ZDHHC21: variants seen among roughly 807,000 people sequenced by gnomAD.
ZDHHC21 encodes the protein palmitoyltransferase ZDHHC21.
In ZDHHC21, 15 loss-of-function variants were observed where a neutral mutation model predicts 34.6. The ratio of observed to expected loss-of-function variants is 0.43; its 90% CI spans 0.29 to 0.67. The LOEUF is 0.67. ZDHHC21 is among the 30% of genes least tolerant of loss of function. ZDHHC21 has a pLI of 0.14. For synonymous variants in ZDHHC21, 142 were observed against 101.8 expected (o/e 1.40, Z -2.38); for missense variants, 344 against 327.7 (o/e 1.05, Z -0.38).
intron 7 of ZDHHC21, among the ~76,000 whole-genome samples, chr9:14,651,687 G>C (rs1029720275): frequency 6.6e-6 from 1 of 151,828 alleles, no homozygotes; most frequent in African/African-American, 2.4e-5. Flanking sequence ...AAATACAGTG[G>C]TACTTTCCTT....
At chr9:14,591,435 G>A in the ZDHHC21 span, among the ~76,000 whole-genome samples, 1 of 152,044 alleles carries the variant, frequency 6.6e-6, no homozygotes, top group Non-Finnish European at 1.5e-5. Flanking sequence ...TGAATCTGCT[G>A]GAGCCTTGAT....
chr9:14,665,875 T>C (rs1409424208), intron 5 of ZDHHC21, among the ~76,000 whole-genome samples: 1 of 149,694 alleles, frequency 6.7e-6, no homozygotes, highest in Non-Finnish European at 1.5e-5. Context: ...GAACAACGGG[T>C]ACCAGCCGCT....
In ZDHHC21 at chr9:14,658,803, C is replaced by T. The variant is rs2133911135; in HGVS notation, c.450G>A (p.Leu150=). The change falls in exon 7 of 10, where the codon CTG becomes CTA. Residue 150 remains leucine (L), a synonymous_variant. Coordinates refer to ENST00000380916, the MANE Select transcript of ZDHHC21 (RefSeq NM_178566.6). ...FYTELLTCYA[L]MFSFCHYYYF... ...AGTAATAGTGGCAGAAAGAAAACATCAGTGCGTAGCAAGTAAGAAGTTCAG... is the reference window on the plus strand; with the variant it reads ...AGTAATAGTGGCAGAAAGAAAACATTAGTGCGTAGCAAGTAAGAAGTTCAG... 6.2e-7 allele frequency: 1 copy of T among 1,613,700 alleles called. No individual in the cohort carries two copies.
chr9:14,654,493 A>G (rs1831834450), intron 7 of ZDHHC21, among the ~76,000 whole-genome samples: 1 of 152,066 alleles, frequency 6.6e-6, no homozygotes, highest in African/African-American at 2.4e-5. Context: ...TAGACATGTC[A>G]GAAGACAGGG....
rs150981440 is a variant in ZDHHC21, at chr9:14,625,575, G to C, written c.622-5893C>G. On this transcript the variant is annotated intron_variant, in intron 8 of 9. Transcript: ENST00000380916. The stretch of plus-strand genomic sequence containing the variant: ...ATAGGTTTTTGTGGGGATTAAATGA[G>C]TTAATTATGTCAAAACCCCTTATAA... Among the ~76,000 whole-genome samples, 1,469 of 152,014 alleles carry C rather than the reference G, an allele frequency of 9.7e-3. 45 individuals carry two copies. The highest frequency in any genetic ancestry group is 0.067 in the Admixed American group (1,025 of 15,270).
chr9:14,605,097 T>C, the ZDHHC21 span, among the ~76,000 whole-genome samples: 1 of 152,206 alleles, frequency 6.6e-6, no homozygotes, highest in African/African-American at 2.4e-5. Flanking sequence ...ATTTTCTAAA[T>C]TCATTCAACC....
chr9:14,592,734 T>C, the ZDHHC21 span, among the ~76,000 whole-genome samples: 2 of 152,162 alleles, frequency 1.3e-5, no homozygotes, highest in Non-Finnish European at 2.9e-5. Context: ...CAAGCACATA[T>C]GAAAAATTGT....
chr9:14,625,682 C>A (rs73644812), intron 8 of ZDHHC21, among the ~76,000 whole-genome samples: 3,633 of 151,944 alleles, frequency 0.024, 144 homozygotes, highest in African/African-American at 0.082. Flanking sequence ...AGAAATACCT[C>A]AATTACCTCA....
At chr9:14,689,045 T>A (rs1289090732) in intron 2 of ZDHHC21, among the ~76,000 whole-genome samples, 1 of 152,094 alleles carries the variant, frequency 6.6e-6, no homozygotes, top group Non-Finnish European at 1.5e-5. Context: ...AGATCCTGTC[T>A]CAAACAAAAA....
intron 9 of ZDHHC21, 111 bp from the exon 10 acceptor site, chr9:14,619,209 TC>T: frequency 8.5e-7 from 1 of 1,178,284 alleles, no homozygotes; most frequent in Non-Finnish European, 1.2e-6. Flanking sequence ...ATGAATTGTG[TC>T]CCAGCATCAT....
chr9:14,610,326 G>A (rs954737156), downstream of ZDHHC21, among the ~76,000 whole-genome samples: 3 of 151,782 alleles, frequency 2.0e-5, no homozygotes, highest in African/African-American at 7.2e-5. Flanking sequence ...AAAGGAAATT[G>A]CAAAATAAAC....
chr9:14,668,891 T>TA (rs1373447176), intron 5 of ZDHHC21, among the ~76,000 whole-genome samples: 1 of 125,788 alleles, frequency 7.9e-6, no homozygotes, highest in African/African-American at 2.9e-5. Flanking sequence ...CCTAAAACCA[T>TA]AAAAACCCTA....
chr9:14,602,527 C>T, the ZDHHC21 span, among the ~76,000 whole-genome samples: 25 of 151,738 alleles, frequency 1.6e-4, no homozygotes, highest in Admixed American at 5.9e-4. Context: ...TTTTCCAATG[C>T]ACACACCATA....
At chr9:14,636,975 T>C (rs1828414203) in intron 8 of ZDHHC21, among the ~76,000 whole-genome samples, 1 of 151,974 alleles carries the variant, frequency 6.6e-6, no homozygotes, top group East Asian at 1.9e-4. Context: ...GCAAATAGTC[T>C]AATGATGCAC....
At chr9:14,644,769 TACTATATACA>T (rs1275241616) in intron 7 of ZDHHC21, among the ~76,000 whole-genome samples, 10 of 151,396 alleles carry the variant, frequency 6.6e-5, no homozygotes. Context: ...CCACATTACA[TACTATATACA>T]ACTGGTGGGA....
intron 7 of ZDHHC21, among the ~76,000 whole-genome samples, chr9:14,655,936 A>C (rs1587187432): frequency 6.6e-6 from 1 of 151,952 alleles, no homozygotes; most frequent in East Asian, 1.9e-4. Context: ...GAAAGTATTA[A>C]AGACAGAAAA....
At chr9:14,620,248 C>A (rs1326581953) in intron 8 of ZDHHC21, among the ~76,000 whole-genome samples, 2 of 151,744 alleles carry the variant, frequency 1.3e-5, no homozygotes, top group African/African-American at 2.4e-5. Context: ...TAATACAATT[C>A]CCTAATTGTA....
At chr9:14,664,120 G>A (rs996467773) in intron 5 of ZDHHC21, among the ~76,000 whole-genome samples, 2 of 152,122 alleles carry the variant, frequency 1.3e-5, no homozygotes, top group African/African-American at 2.4e-5. Flanking sequence ...ACTAGGGAGT[G>A]CCAGACAGTG....
At chr9:14,678,942 G>C (rs1836888552) in intron 3 of ZDHHC21, among the ~76,000 whole-genome samples, 1 of 152,000 alleles carries the variant, frequency 6.6e-6, no homozygotes, top group African/African-American at 2.4e-5. Context: ...AAATCCATTA[G>C]GAGTGGAGAG....
Sources: gnomAD v4.1 joint callset for allele counts (sites outside exome capture counted in the v4.1 genomes callset) on GRCh38, gnomAD v4.1.1 for gene constraint, MANE v1.5 for transcripts, NCBI Gene and HGNC (gene_info 2026-07-23, HGNC 2026-07-21) for gene names.